Variants in CFAP119 observed in about 807,000 individuals in gnomAD.
CFAP119 encodes the protein cilia and flagella associated protein 119.
chr16:30,757,995 G>T, the CFAP119 span: 1 of 277,420 alleles, frequency 3.6e-6, no homozygotes. Flanking sequence ...GTTAATTTAT[G>T]TAAAATGCTT....
At chr16:30,758,049 G>T in the CFAP119 span, 1 of 167,102 alleles carries the variant, frequency 6.0e-6, no homozygotes, top group Non-Finnish European at 1.3e-5. Context: ...GTATGTGCTG[G>T]CTGTTATTGT....
chr16:30,758,764 A>G, the CFAP119 span: 4 of 566,138 alleles, frequency 7.1e-6, no homozygotes, highest in Non-Finnish European at 1.2e-5. Context: ...GGTGTTGCCC[A>G]GGCTGGTCGC....
chr16:30,760,299 G>A, the CFAP119 span: 9 of 1,614,200 alleles, frequency 5.6e-6, no homozygotes, highest in Admixed American at 1.0e-4. Flanking sequence ...CAAGCCTTGT[G>A]AAGATCCTGG....
the CFAP119 span, chr16:30,757,669 A>G: frequency 6.2e-7 from 1 of 1,604,694 alleles, no homozygotes; most frequent in South Asian, 1.1e-5. Flanking sequence ...AGGGGCAGGG[A>G]AGAAGGGGCA....
At chr16:30,757,728 GCAAA>G in the CFAP119 span, 2 of 1,510,774 alleles carry the variant, frequency 1.3e-6, no homozygotes, top group Non-Finnish European at 1.8e-6. Context: ...CCCTAGTTGG[GCAAA>G]CAGTCCCCAA....
At chr16:30,759,294 AG>A in the CFAP119 span, 1 of 1,613,002 alleles carries the variant, frequency 6.2e-7, no homozygotes, top group Non-Finnish European at 8.5e-7. Context: ...ACCTGTGCTG[AG>A]GGGAGGGGCG....
chr16:30,757,514 G>A, the CFAP119 span: 1 of 1,614,174 alleles, frequency 6.2e-7, no homozygotes, highest in Non-Finnish European at 8.5e-7. Flanking sequence ...GGAGGTAGCT[G>A]GAAGGGCCGC....
the CFAP119 span, chr16:30,757,767 G>A: frequency 2.1e-6 from 3 of 1,453,298 alleles, no homozygotes; most frequent in Non-Finnish European, 2.7e-6. Context: ...GGATATAGAG[G>A]TAGCAATGTT....
At chr16:30,760,025 C>T in the CFAP119 span, 1 of 1,492,632 alleles carries the variant, frequency 6.7e-7, no homozygotes, top group African/African-American at 1.4e-5. Context: ...ATTAAACATT[C>T]TAAAGCAGGT....
the CFAP119 span, chr16:30,757,774 T>C: frequency 2.8e-6 from 4 of 1,442,950 alleles, no homozygotes; most frequent in Non-Finnish European, 3.6e-6. Flanking sequence ...GAGGTAGCAA[T>C]GTTGTTTCCC....
At chr16:30,760,651 T>G in the CFAP119 span, 2 of 1,553,944 alleles carry the variant, frequency 1.3e-6, no homozygotes, top group Non-Finnish European at 1.7e-6. Flanking sequence ...GTGCATGGAA[T>G]GGACGTCCAG....
At chr16:30,759,591 G>A in the CFAP119 span, 1 of 1,614,146 alleles carries the variant, frequency 6.2e-7, no homozygotes, top group South Asian at 1.1e-5. Context: ...GAATGTGAGA[G>A]AGACTGGGTG....
chr16:30,760,070 A>G, the CFAP119 span: 5 of 1,532,276 alleles, frequency 3.3e-6, no homozygotes, highest in Non-Finnish European at 4.4e-6. Context: ...TGCATATATT[A>G]TTTCTCAGAA....
At chr16:30,761,334 G>A in the CFAP119 span, 1 of 1,534,968 alleles carries the variant, frequency 6.5e-7, no homozygotes, top group South Asian at 1.1e-5. Flanking sequence ...TCATCTCAAG[G>A]ACTAAGGAGA....
At chr16:30,758,773 G>A in the CFAP119 span, 3 of 603,572 alleles carry the variant, frequency 5.0e-6, no homozygotes, top group African/African-American at 1.9e-5. Flanking sequence ...CAGGCTGGTC[G>A]CGAACTCCTG....
the CFAP119 span, chr16:30,760,724 G>T: frequency 1.4e-6 from 2 of 1,467,502 alleles, no homozygotes; most frequent in East Asian, 2.5e-5. Context: ...TGACAAGGCT[G>T]TGACAGCTAG....
the CFAP119 span, chr16:30,761,093 TCA>T: frequency 2.3e-6 from 3 of 1,324,356 alleles, no homozygotes; most frequent in African/African-American, 2.9e-5. Flanking sequence ...TCTCCAGGCC[TCA>T]GTCTCATCTG....
chr16:30,760,953 C>A, the CFAP119 span: 54 of 610,718 alleles, frequency 8.8e-5, no homozygotes, highest in African/African-American at 8.3e-4. Context: ...GTGTCCCCCT[C>A]TGTACAATAC....
At chr16:30,761,738 C>T in the CFAP119 span, 8 of 1,524,034 alleles carry the variant, frequency 5.2e-6, no homozygotes, top group Admixed American at 3.9e-5. Context: ...GCTGGTCTTG[C>T]GGTTGAGCAT....
Sources: gnomAD v4.1 joint callset for allele counts on GRCh38, gnomAD v4.1.1 for gene constraint, MANE v1.5 for transcripts, NCBI Gene and HGNC (gene_info 2026-07-23, HGNC 2026-07-21) for gene names.